The following GPM6A variants were observed in gnomAD, a reference collection of about 807,000 sequenced individuals.
GPM6A encodes the protein glycoprotein M6A, also known as neuronal membrane glycoprotein M6-a.
Under a neutral mutation model 32.1 loss-of-function variants are expected in GPM6A, and 7 were observed. That is an observed-to-expected ratio of 0.22 (90% CI 0.12 to 0.41). GPM6A has a LOEUF of 0.41. Among genes scored for constraint, GPM6A ranks in the 10% least tolerant of loss-of-function variants. The pLI is 1.00. For synonymous variants in GPM6A, 130 were observed against 123.4 expected, an observed-to-expected ratio of 1.05 and a Z score of -0.35; for missense variants, 235 against 347.2, an observed-to-expected ratio of 0.68 and a Z score of 2.57.
intron 1 of GPM6A, among the ~76,000 whole-genome samples, chr4:175,773,037 T>C (rs1733252996): frequency 6.6e-6 from 1 of 152,234 alleles, no homozygotes; most frequent in South Asian, 2.1e-4. Flanking sequence ...CCCTTTCAAT[T>C]TGTGTAATCT....
At chr4:175,748,826 A>G (rs1371229230) in intron 1 of GPM6A, among the ~76,000 whole-genome samples, 3 of 152,346 alleles carry the variant, frequency 2.0e-5, no homozygotes, top group African/African-American at 4.8e-5. Flanking sequence ...TGTTTTGTCT[A>G]TTGAAAATCT....
At chr4:175,935,422 T>C (rs1579642060) in intron 1 of GPM6A, among the ~76,000 whole-genome samples, 1 of 152,170 alleles carries the variant, frequency 6.6e-6, no homozygotes, top group South Asian at 2.1e-4. Context: ...AAAAAGAAGT[T>C]ACCCAAAAAT....
At chr4:175,840,230 G>A (rs1039447096) in intron 1 of GPM6A, among the ~76,000 whole-genome samples, 2 of 152,118 alleles carry the variant, frequency 1.3e-5, no homozygotes, top group Non-Finnish European at 2.9e-5. Context: ...GAAAATCTGG[G>A]GGTGATTTCA....
At chr4:175,987,932 A>G (rs1387957054) in intron 1 of GPM6A, among the ~76,000 whole-genome samples, 3 of 152,184 alleles carry the variant, frequency 2.0e-5, no homozygotes, top group Non-Finnish European at 4.4e-5. Flanking sequence ...TTATAATTCC[A>G]TAACACCAAA....
intron 6 of GPM6A, 29 bp downstream of exon 6, chr4:175,640,100 A>G (rs769696674): frequency 6.6e-5 from 103 of 1,566,642 alleles, no homozygotes; most frequent in Non-Finnish European, 9.0e-5. Flanking sequence ...TCACATTGAA[A>G]ACCAAGCACC....
intron 1 of GPM6A, among the ~76,000 whole-genome samples, chr4:175,774,421 C>T (rs1011906354): frequency 1.3e-5 from 2 of 151,680 alleles, no homozygotes; most frequent in Admixed American, 1.3e-4. Context: ...CATTAGATTC[C>T]TCTCCCCTCT....
At chr4:175,843,018 C>T (rs1415897645) in intron 1 of GPM6A, among the ~76,000 whole-genome samples, 1 of 151,048 alleles carries the variant, frequency 6.6e-6, no homozygotes, top group African/African-American at 2.4e-5. Context: ...TGTATAAACA[C>T]ATTACATATT....
At chr4:175,845,078 G>A (rs1226080697) in intron 1 of GPM6A, among the ~76,000 whole-genome samples, 1 of 151,766 alleles carries the variant, frequency 6.6e-6, no homozygotes, top group Non-Finnish European at 1.5e-5. Context: ...CCATTTTCTT[G>A]ACTTACTGCT....
At chr4:175,983,068 C>A (rs111954512) in intron 1 of GPM6A, among the ~76,000 whole-genome samples, 2,715 of 152,130 alleles carry the variant, frequency 0.018, 67 homozygotes, top group African/African-American at 0.061. Flanking sequence ...CAGGCTGCAT[C>A]CCTGGTATCA....
chr4:175,772,062 G>A lies in GPM6A; in HGVS notation c.37+40129C>T, dbSNP rs183386855. ...CTTCCATCATTCTCCTGCTCAGTGC[G>A]CATTTGCTGATCCTCCCAGGTCAGT... On this transcript the variant is annotated intron_variant, in intron 1 of 6. Coordinates refer to ENST00000393658, the MANE Select transcript of GPM6A (RefSeq NM_201591.3). Among the ~76,000 whole-genome samples the A allele has an allele frequency of 4.7e-3, 713 of 152,270 alleles. 7 individuals are homozygous for A. Among genetic ancestry groups the A allele is most frequent in the Non-Finnish European group, 7.6e-3 (520 of 68,018 alleles).
chr4:175,841,287 G>A (rs2111385559), intron 1 of GPM6A, among the ~76,000 whole-genome samples: 1 of 152,082 alleles, frequency 6.6e-6, no homozygotes, highest in Middle Eastern at 3.4e-3. Flanking sequence ...GCTTAAAATT[G>A]GAAATGGATT....
At chr4:175,877,459 T>C (rs1737120980) in intron 1 of GPM6A, among the ~76,000 whole-genome samples, 1 of 152,136 alleles carries the variant, frequency 6.6e-6, no homozygotes, top group African/African-American at 2.4e-5. Flanking sequence ...TGACTCACAG[T>C]TCTTCATGGC....
intron 1 of GPM6A, among the ~76,000 whole-genome samples, chr4:175,738,143 G>A (rs562156059): frequency 1.3e-5 from 2 of 152,054 alleles, no homozygotes; most frequent in Non-Finnish European, 2.9e-5. Flanking sequence ...TCACCCTGTT[G>A]GCCAGGCTGG....
chr4:175,982,113 T>C (rs1431301916), intron 1 of GPM6A, among the ~76,000 whole-genome samples: 1 of 152,098 alleles, frequency 6.6e-6, no homozygotes, highest in African/African-American at 2.4e-5. Context: ...GTTAGTGGGT[T>C]TTTATTATTC....
At position 175,673,812 on chromosome 4, in the gene GPM6A, G is replaced by A. The variant is rs967110049; in HGVS notation, c.255C>T (p.Ile85=). Residue 85 remains isoleucine, a synonymous_variant, in exon 3 of 7, where the codon ATC becomes ATT. Transcript: ENST00000393658. ...CAAAGAACGCAGCTGCGATGCCGTAGATCACATACTTAAAGATGTCAATCC... is the reference window on the plus strand; with the variant it reads ...CAAAGAACGCAGCTGCGATGCCGTAAATCACATACTTAAAGATGTCAATCC... ...FTMIDIFKYV[I]YGIAAAFFVY... is the part of the protein sequence containing the mutation. The A allele has an allele frequency of 6.2e-7, 1 of 1,606,432 alleles. No individual in the cohort carries two copies. Among genetic ancestry groups the A allele is most frequent in the Non-Finnish European group, 8.5e-7 (1 of 1,174,430 alleles).
intron 1 of GPM6A, among the ~76,000 whole-genome samples, chr4:175,818,553 A>G (rs1236595826): frequency 6.6e-6 from 1 of 152,224 alleles, no homozygotes; most frequent in African/African-American, 2.4e-5. Flanking sequence ...CTCACACAAG[A>G]CAAGCACATG....
chr4:175,902,192 A>G (rs1737990155), intron 1 of GPM6A, among the ~76,000 whole-genome samples: 1 of 152,060 alleles, frequency 6.6e-6, no homozygotes, highest in Non-Finnish European at 1.5e-5. Context: ...TATGGGGAAC[A>G]ACCTGGATGC....
Position 175,651,936 on chromosome 4 carries a change from A to G in GPM6A, c.439T>C (p.Phe147Leu). ...TACATGTAAACTGGCAGTGAGGTGA[A>G]AGCCGTGACTCCCAGCCAGGCCAAC... The part of the protein sequence containing the change: ...FMLAWLGVTA[F>L]TSLPVYMYFN... Residue 147 changes from phenylalanine to leucine, a missense_variant, in exon 4 of 7, where the codon TTC (phenylalanine) becomes CTC (leucine). By Grantham distance (22) the Phe-to-Leu change is conservative. Around this residue, in one of 3 missense-constraint regions of GPM6A, gnomAD observed 107 missense variants for 116.7 expected, o/e 0.92. Transcript: ENST00000393658. The G allele has an allele frequency of 1.9e-6, 3 of 1,612,938 alleles. No homozygotes were observed. The highest frequency in any genetic ancestry group is 2.5e-6 in the Non-Finnish European group (3 of 1,179,166).
intron 2 of GPM6A, among the ~76,000 whole-genome samples, chr4:175,679,833 G>A (rs1173389226): frequency 6.6e-6 from 1 of 152,104 alleles, no homozygotes; most frequent in African/African-American, 2.4e-5. Context: ...GCTGGTTCTT[G>A]TATCTTTGTG....
Sources: allele counts gnomAD v4.1 joint callset (sites outside exome capture counted in the v4.1 genomes callset), GRCh38; gene constraint gnomAD v4.1.1; regional missense constraint gnomAD v4.1.1; transcripts MANE v1.5; gene names NCBI Gene and HGNC (gene_info 2026-07-23, HGNC 2026-07-21).